SPZ1: variants seen among roughly 807,000 people sequenced by gnomAD.
The protein encoded by SPZ1 is spermatogenic leucine zipper protein 1.
For synonymous variants in SPZ1, 160 were observed against 167.6 expected (o/e 0.95, Z 0.35); for missense variants, 408 against 486.2 (o/e 0.84, Z 1.51).
Position 80,320,028 on chromosome 5 carries a change from C to T in SPZ1, c.-188C>T. On this transcript the variant is annotated 5_prime_UTR_variant, in exon 1 of 1. Transcript: ENST00000296739. Reference sequence around the variant, plus strand: ...TGGAGCCCCAGCCTTGGTCCCCTTTCCCACCCTTCCTCCCCACAAGGCTGT... The same window carrying T: ...TGGAGCCCCAGCCTTGGTCCCCTTTTCCACCCTTCCTCCCCACAAGGCTGT... 1 of 547,002 alleles carries T rather than the reference C, an allele frequency of 1.8e-6. No homozygotes were observed. The highest frequency in any genetic ancestry group is 3.2e-6 in the Non-Finnish European group (1 of 314,298). The allele number at this position is 547,002 out of a possible 1,614,324, so 33.9% of individuals were successfully genotyped here.
At position 80,321,510 on chromosome 5, in the gene SPZ1, A is replaced by G. The variant is rs1356520283; in HGVS notation, c.*2A>G. 24 of 1,559,326 alleles carry G rather than the reference A, an allele frequency of 1.5e-5. No individual in the cohort carries two copies. Among genetic ancestry groups the G allele is most frequent in the Non-Finnish European group, 2.1e-5 (24 of 1,160,740 alleles). ...AGGTCAGCTAGCAGCCTAAGATAGA[A>G]AATACCAAAAGCAGATGAAAAGGTG... On this transcript the variant is annotated 3_prime_UTR_variant, in exon 1 of 1. Transcript: ENST00000296739.
rs1743554769 is a variant in SPZ1 at position 80,321,521 on chromosome 5, G to A, written c.*13G>A. On this transcript the variant is annotated 3_prime_UTR_variant, in exon 1 of 1. Coordinates refer to ENST00000296739, the MANE Select transcript of SPZ1 (RefSeq NM_032567.4). The stretch of plus-strand genomic sequence containing the variant: ...CAGCCTAAGATAGAAAATACCAAAA[G>A]CAGATGAAAAGGTGAATCCTTAAAA... 3 of 1,546,788 alleles carry A rather than the reference G, an allele frequency of 1.9e-6. No homozygotes were observed. Among genetic ancestry groups the A allele is most frequent in the Admixed American group, 2.2e-5 (1 of 44,506 alleles).
In SPZ1 at chr5:80,321,458, G is replaced by T. The variant is rs541182711; in HGVS notation, c.1243G>T (p.Ala415Ser). The change falls in exon 1 of 1, where the codon GCA becomes TCA. Residue 415 changes from alanine to serine, a missense_variant. Physicochemically the swap from Ala to Ser is moderately conservative, Grantham distance 99. Transcript: ENST00000296739. ...ACNTQFNIHV[A>S]RKALRGKMRS... ...CAATACCCAGTTCAATATTCATGTT[G>T]CAAGAAAAGCTCTTAGGGGAAAAAT... 6.3e-7 allele frequency: 1 copy of T among 1,595,178 alleles called. No homozygotes were observed. Among genetic ancestry groups the T allele is most frequent in the Non-Finnish European group, 8.5e-7 (1 of 1,175,462 alleles).
At position 80,321,488 on chromosome 5, in the gene SPZ1, T is replaced by C. The variant is rs771041473; in HGVS notation, c.1273T>C (p.Ser425Pro). The change falls in exon 1 of 1, where the codon TCA becomes CCA. Residue 425 changes from serine to proline, a missense_variant. Physicochemically the swap from Ser to Pro is moderately conservative, Grantham distance 74. Transcript: ENST00000296739. ...AAAAGCTCTTAGGGGAAAAATGAGGTCAGCTAGCAGCCTAAGATAGAAAAT... is the reference window on the plus strand; with the variant it reads ...AAAAGCTCTTAGGGGAAAAATGAGGCCAGCTAGCAGCCTAAGATAGAAAAT... ...ARKALRGKMR[S>P]ASSLR 2 of 1,581,984 alleles carry C rather than the reference T, an allele frequency of 1.3e-6. No homozygotes were observed. The highest frequency in any genetic ancestry group is 4.5e-5 in the East Asian group (2 of 44,698).
Position 80,321,058 on chromosome 5 carries a change from T to C in SPZ1, c.843T>C (p.Thr281=). 1.9e-6 allele frequency: 3 copies of C among 1,613,712 alleles called. No homozygotes were observed. The highest frequency in any genetic ancestry group is 3.3e-4 in the Middle Eastern group (2 of 6,062). The change falls in exon 1 of 1, where the codon ACT becomes ACC. Residue 281 remains threonine, a synonymous_variant. Transcript: ENST00000296739. ...YQKSQKDISE[T]LGNNGVGFQT... ...AATCTCAGAAAGACATAAGTGAAAC[T>C]CTTGGAAATAATGGAGTCGGTTTCC...
Position 80,321,030 on chromosome 5 carries a change from A to C in SPZ1, c.815A>C (p.Gln272Pro). ...TELSKLIKSY[Q>P]KSQKDISETL... ...CTCAGTAAACTGATAAAATCCTATCAGAAATCTCAGAAAGACATAAGTGAA... is the reference window on the plus strand; with the variant it reads ...CTCAGTAAACTGATAAAATCCTATCCGAAATCTCAGAAAGACATAAGTGAA... Residue 272 changes from glutamine (Q) to proline (P), a missense_variant, in exon 1 of 1, where the codon CAG (glutamine) becomes CCG (proline). By Grantham distance (76) the Gln-to-Pro change is moderately conservative. Coordinates refer to ENST00000296739, the MANE Select transcript of SPZ1 (RefSeq NM_032567.4). The C allele has an allele frequency of 6.2e-7, 1 of 1,614,104 alleles. No homozygotes were observed. Among genetic ancestry groups the C allele is most frequent in the Non-Finnish European group, 8.5e-7 (1 of 1,180,014 alleles).
Position 80,321,227 on chromosome 5 carries a change from C to T in SPZ1, c.1012C>T (p.Leu338Phe). 1 of 1,613,820 alleles carries T rather than the reference C, an allele frequency of 6.2e-7. No homozygotes were observed. The highest frequency in any genetic ancestry group is 1.3e-5 in the African/African-American group (1 of 74,928). The change falls in exon 1 of 1, where the codon CTC becomes TTC. Residue 338 changes from leucine to phenylalanine, a missense_variant. By Grantham distance (22) the Leu-to-Phe change is conservative. Transcript: ENST00000296739. Reference protein sequence around the residue: ...CQILQQRVEILKELHHQKQGT... With the variant: ...CQILQQRVEIFKELHHQKQGT... The stretch of plus-strand genomic sequence containing the variant: ...AATCTTACAGCAGAGAGTAGAGATT[C>T]TCAAGGAACTCCATCATCAGAAACA...
At position 80,320,325 on chromosome 5, in the gene SPZ1, T is replaced by G; in HGVS notation, c.110T>G (p.Phe37Cys). ...GACCCTAGGATTACCATTGCCTTAT[T>G]CGAAATTGGATCACATTCCCCTTCC... Reference protein sequence around the residue: ...YLDPRITIALFEIGSHSPSSW... With the variant: ...YLDPRITIALCEIGSHSPSSW... Residue 37 changes from phenylalanine to cysteine, a missense_variant, in exon 1 of 1, where the codon TTC (phenylalanine) becomes TGC (cysteine). Phe to Cys is a radical substitution (Grantham distance 205). Coordinates refer to ENST00000296739, the MANE Select transcript of SPZ1 (RefSeq NM_032567.4). 6.2e-7 allele frequency: 1 copy of G among 1,614,074 alleles called. No homozygotes were observed. The highest frequency in any genetic ancestry group is 8.5e-7 in the Non-Finnish European group (1 of 1,180,018).
Position 80,320,334 on chromosome 5 carries a change from G to A in SPZ1, c.119G>A (p.Gly40Glu). 6.2e-7 allele frequency: 1 copy of A among 1,614,012 alleles called. No individual in the cohort carries two copies. The highest frequency in any genetic ancestry group is 8.5e-7 in the Non-Finnish European group (1 of 1,180,000). ...ATTACCATTGCCTTATTCGAAATTG[G>A]ATCACATTCCCCTTCCTCCTGGGGC... is the stretch of plus-strand genomic sequence containing the variant. ...PRITIALFEI[G>E]SHSPSSWGSL... The change falls in exon 1 of 1, where the codon GGA (glycine) becomes GAA (glutamate). Residue 40 changes from glycine (G) to glutamate (E), a missense_variant. Coordinates refer to ENST00000296739, the MANE Select transcript of SPZ1 (RefSeq NM_032567.4).
In SPZ1 at chr5:80,320,185, C is replaced by A; in HGVS notation, c.-31C>A. 1.9e-6 allele frequency: 3 copies of A among 1,550,692 alleles called. No homozygotes were observed. Among genetic ancestry groups the A allele is most frequent in the Non-Finnish European group, 2.6e-6 (3 of 1,144,642 alleles). ...GACCATCACCTGTCCTTCCTGGAAT[C>A]TCTAAAGTTTTCTGCTTTCCTTCTG... On this transcript the variant is annotated 5_prime_UTR_variant, in exon 1 of 1. Transcript: ENST00000296739.
Position 80,320,093 on chromosome 5 carries a change from T to A in SPZ1, c.-123T>A, listed in dbSNP as rs1743522897. On this transcript the variant is annotated 5_prime_UTR_variant, in exon 1 of 1. Transcript: ENST00000296739. ...TCCACCTAAACATCATCTCCCAAAT[T>A]TTAATCCTTAACTTTGGTCTCTGAC... is the stretch of plus-strand genomic sequence containing the variant. 5 of 781,620 alleles carry A rather than the reference T, an allele frequency of 6.4e-6. No individual in the cohort carries two copies. Among genetic ancestry groups the A allele is most frequent in the South Asian group, 4.0e-5 (2 of 50,216 alleles). The allele number at this position is 781,620 out of a possible 1,614,324, so 48.4% of individuals were successfully genotyped here.
Position 80,321,108 on chromosome 5 carries a change from C to T in SPZ1, c.893C>T (p.Ser298Leu), listed in dbSNP as rs766255372. 2.0e-4 allele frequency: 318 copies of T among 1,613,340 alleles called. No individual in the cohort carries two copies. Among genetic ancestry groups the T allele is most frequent in the Non-Finnish European group, 2.4e-4 (286 of 1,179,876 alleles). The change falls in exon 1 of 1, where the codon TCG becomes TTG. Residue 298 changes from serine to leucine, a missense_variant. Coordinates refer to ENST00000296739, the MANE Select transcript of SPZ1 (RefSeq NM_032567.4). ...CAAACCCAGCCAAATAATGAAGTGT[C>T]GGCTAAGCATGAGCTGGAGGAACAG... is the stretch of plus-strand genomic sequence containing the variant. Reference protein sequence around the residue: ...GFQTQPNNEVSAKHELEEQVK... With the variant: ...GFQTQPNNEVLAKHELEEQVK...
chr5:80,320,740 G>T lies in SPZ1; in HGVS notation c.525G>T (p.Leu175=). ...DKINEMLSTN[L]PVSLAPEKED... ...TCAATGAAATGTTATCAACAAACCT[G>T]CCTGTTAGTTTAGCCCCAGAGAAAG... The change falls in exon 1 of 1, where the codon CTG becomes CTT. Residue 175 remains leucine, a synonymous_variant. Transcript: ENST00000296739. The T allele has an allele frequency of 6.2e-7, 1 of 1,611,020 alleles. No homozygotes were observed. Among genetic ancestry groups the T allele is most frequent in the Non-Finnish European group, 8.5e-7 (1 of 1,178,060 alleles).
In SPZ1 at chr5:80,320,264, G is replaced by A. The variant is rs1862136; in HGVS notation, c.49G>A (p.Val17Ile). The A allele has an allele frequency of 3.0e-5, 49 of 1,613,120 alleles. No individual in the cohort carries two copies. Among genetic ancestry groups the A allele is most frequent in the Non-Finnish European group, 3.8e-5 (45 of 1,179,734 alleles). Residue 17 changes from valine to isoleucine, a missense_variant, in exon 1 of 1, where the codon GTT becomes ATT. Coordinates refer to ENST00000296739, the MANE Select transcript of SPZ1 (RefSeq NM_032567.4). Reference protein sequence around the residue: ...SAEMPTISKTVNPTPDPHQEY... With the variant: ...SAEMPTISKTINPTPDPHQEY... ...TGAGATGCCCACCATCTCCAAAACC[G>A]TTAACCCTACTCCTGATCCTCATCA...
At position 80,320,044 on chromosome 5, in the gene SPZ1, A is replaced by T; in HGVS notation, c.-172A>T. 1 of 587,932 alleles carries T rather than the reference A, an allele frequency of 1.7e-6. No homozygotes were observed. The highest frequency in any genetic ancestry group is 3.3e-5 in the Admixed American group (1 of 29,958). The allele number at this position is 587,932 out of a possible 1,614,324, so 36.4% of individuals were successfully genotyped here. A position where few individuals can be genotyped will look rare whatever the true frequency, so the allele number is the denominator to read the frequency against. The stretch of plus-strand genomic sequence containing the variant: ...GTCCCCTTTCCCACCCTTCCTCCCC[A>T]CAAGGCTGTCTGAGATGCCACCTTC... On this transcript the variant is annotated 5_prime_UTR_variant, in exon 1 of 1. Coordinates refer to ENST00000296739, the MANE Select transcript of SPZ1 (RefSeq NM_032567.4).
At position 80,321,481 on chromosome 5, in the gene SPZ1, A is replaced by C; in HGVS notation, c.1266A>C (p.Lys422Asn). ...IHVARKALRG[K>N]MRSASSLR is the part of the protein sequence containing the mutation. ...TTGCAAGAAAAGCTCTTAGGGGAAA[A>C]ATGAGGTCAGCTAGCAGCCTAAGAT... is the stretch of plus-strand genomic sequence containing the variant. Residue 422 changes from lysine to asparagine, a missense_variant, in exon 1 of 1, where the codon AAA (lysine) becomes AAC (asparagine). Physicochemically the swap from Lys to Asn is moderately conservative, Grantham distance 94. Coordinates refer to ENST00000296739, the MANE Select transcript of SPZ1 (RefSeq NM_032567.4). The C allele has an allele frequency of 6.3e-7, 1 of 1,585,114 alleles. No homozygotes were observed. The highest frequency in any genetic ancestry group is 1.2e-5 in the South Asian group (1 of 85,356).
In SPZ1 at chr5:80,320,969, C is replaced by A; in HGVS notation, c.754C>A (p.Gln252Lys). The change falls in exon 1 of 1, where the codon CAG becomes AAG. Residue 252 changes from glutamine (Q) to lysine (K), a missense_variant. By Grantham distance (53) the Gln-to-Lys change is moderately conservative. Transcript: ENST00000296739. Reference sequence around the variant, plus strand: ...TAGGAACAACATGGAGCAGTTACTACAGGAAGCAGAACACTGGAGTAAACA... The same window carrying A: ...TAGGAACAACATGGAGCAGTTACTAAAGGAAGCAGAACACTGGAGTAAACA... ...KIRNNMEQLLQEAEHWSKQHT... is the reference protein window; with the variant it reads ...KIRNNMEQLLKEAEHWSKQHT... 8 of 1,613,782 alleles carry A rather than the reference C, an allele frequency of 5.0e-6. No homozygotes were observed. The highest frequency in any genetic ancestry group is 6.8e-6 in the Non-Finnish European group (8 of 1,179,972).
chr5:80,320,525 G>A lies in SPZ1; in HGVS notation c.310G>A (p.Glu104Lys). ...KELFEETNIT[E>K]DVSAHKENIR... is the part of the protein sequence containing the mutation. ...ACTTTTTGAGGAAACCAATATTACT[G>A]AGGATGTGTCAGCCCACAAAGAAAA... Residue 104 changes from glutamate to lysine, a missense_variant, in exon 1 of 1, where the codon GAG (glutamate) becomes AAG (lysine). Transcript: ENST00000296739. 2 of 1,614,080 alleles carry A rather than the reference G, an allele frequency of 1.2e-6. No individual in the cohort carries two copies. Among genetic ancestry groups the A allele is most frequent in the Non-Finnish European group, 1.7e-6 (2 of 1,180,032 alleles).
rs1257774625 is a variant in SPZ1, at chr5:80,321,157, C to T, written c.942C>T (p.Thr314=). The part of the protein sequence containing the change: ...EEQVKKLSHD[T]YSLQLMAALL... ...AGGTGAAGAAACTGAGCCATGACAC[C>T]TATTCATTGCAGTTGATGGCAGCTT... Residue 314 remains threonine (T), a synonymous_variant, in exon 1 of 1, where the codon ACC becomes ACT. Coordinates refer to ENST00000296739, the MANE Select transcript of SPZ1 (RefSeq NM_032567.4). 6.2e-7 allele frequency: 1 copy of T among 1,613,690 alleles called. No individual in the cohort carries two copies. Among genetic ancestry groups the T allele is most frequent in the Admixed American group, 1.7e-5 (1 of 60,010 alleles).
Sources: gnomAD v4.1 joint callset for allele counts on GRCh38, gnomAD v4.1.1 for gene constraint, MANE v1.5 for transcripts, NCBI Gene and HGNC (gene_info 2026-07-23, HGNC 2026-07-21) for gene names.